Variants in RDX observed in about 807,000 individuals in gnomAD.
RDX encodes radixin.
In RDX, 32 loss-of-function variants were observed where a neutral mutation model predicts 83.7. That is an observed-to-expected ratio of 0.38 (90% CI 0.29 to 0.51). The LOEUF (loss-of-function observed/expected upper bound fraction) is 0.51. Ranked by LOEUF, RDX falls within the 20% of genes least tolerant of loss-of-function variation. The pLI is 0.87. For synonymous variants in RDX, 229 were observed against 222.7 expected (o/e 1.03, Z -0.25); for missense variants, 600 against 689.9 (o/e 0.87, Z 1.46).
At chr11:110,290,282 T>C (rs889479480) in intron 1 of RDX, among the ~76,000 whole-genome samples, 2 of 152,020 alleles carry the variant, frequency 1.3e-5, no homozygotes, top group Admixed American at 1.3e-4. Flanking sequence ...CCCAGCACTT[T>C]GGGAGGCTGA....
At chr11:110,283,274 C>T (rs1316551498) in intron 1 of RDX, among the ~76,000 whole-genome samples, 2 of 152,054 alleles carry the variant, frequency 1.3e-5, no homozygotes, top group African/African-American at 4.8e-5. Flanking sequence ...CTGCCTCAGC[C>T]TCCCAAGTAG....
chr11:110,280,060 GCTCT>G (rs943794358), intron 1 of RDX, among the ~76,000 whole-genome samples: 16 of 152,162 alleles, frequency 1.1e-4, no homozygotes, highest in African/African-American at 3.9e-4. Flanking sequence ...CCAAAAGCTT[GCTCT>G]CTGAGTCAGG....
At chr11:110,185,505 T>C (rs932514528) in intron 15 of RDX, 1 of 152,050 alleles carries the variant, frequency 6.6e-6, no homozygotes, top group African/African-American at 2.4e-5. Context: ...AAATGCAAAT[T>C]CTTGGGCCCC....
rs112081062 is a variant in RDX, at chr11:110,208,156, C to T, written c.1749-8478G>A. ...TTATCTACAAAGCCATTCAAATAAC[C>T]CACACAGAGCATCTGAAAAATGTTA... is the stretch of plus-strand genomic sequence containing the variant. On this transcript the variant is annotated intron_variant, in intron 14 of 15. Transcript: ENST00000528498. Among the ~76,000 whole-genome samples, 132 of 152,124 alleles carry T rather than the reference C, an allele frequency of 8.7e-4. 1 individual carries two copies. The highest frequency in any genetic ancestry group is 3.1e-3 in the African/African-American group (128 of 41,492).
chr11:110,264,356 T>G, intron 4 of RDX, 122 bp from the exon 5 acceptor site: 2 of 710,322 alleles, frequency 2.8e-6, no homozygotes, highest in East Asian at 5.4e-5. Flanking sequence ...TATGAAGATT[T>G]TAGTGTGTAA....
chr11:110,214,202 A>G (rs1863943895), intron 14 of RDX, among the ~76,000 whole-genome samples: 1 of 151,760 alleles, frequency 6.6e-6, no homozygotes, highest in African/African-American at 2.4e-5. Flanking sequence ...ACACTTCTCA[A>G]AAGAAGACAT....
chr11:110,202,375 G>C (rs11213311), intron 14 of RDX, among the ~76,000 whole-genome samples: 66,460 of 151,476 alleles, frequency 0.44, 14,756 homozygotes, highest in East Asian at 0.61. Flanking sequence ...GCCTGGGCAA[G>C]AGAGCAAGAC....
intron 14 of RDX, among the ~76,000 whole-genome samples, chr11:110,219,693 C>T (rs1864179785): frequency 1.3e-5 from 2 of 152,200 alleles, no homozygotes; most frequent in Admixed American, 6.5e-5. Context: ...GAAGAAGGGA[C>T]TTACCATTCA....
intron 1 of RDX, among the ~76,000 whole-genome samples, chr11:110,288,835 T>C (rs1393779542): frequency 6.6e-6 from 1 of 152,242 alleles, no homozygotes; most frequent in Non-Finnish European, 1.5e-5. Context: ...AATTTTTCTG[T>C]TGATTAGTGT....
Position 110,189,243 on chromosome 11 carries a change from T to TTAAAAAAAAAAAAAAAAAA in RDX, c.*31+10337_*31+10338insTTTTTTTTTTTTTTTTTTA, listed in dbSNP as rs1491576666. Among the ~76,000 whole-genome samples, 22 of 35,592 alleles carry TTAAAAAAAAAAAAAAAAAA rather than the reference T, an allele frequency of 6.2e-4. 2 individuals are homozygous for TTAAAAAAAAAAAAAAAAAA. Among genetic ancestry groups the TTAAAAAAAAAAAAAAAAAA allele is most frequent in the South Asian group, 1.2e-3 (1 of 820 alleles). 23.3% of individuals were successfully genotyped at this position (35,592 alleles called of 152,430 possible). ...AAACAAACTTTAAATGAACAACAGG[T>TTAAAAAAAAAAAAAAAAAA]AAAAAAAAAAAAAAAAAAAAAAAAA... On this transcript the variant is annotated intron_variant, in intron 15 of 15. Transcript: ENST00000528498.
intron 14 of RDX, among the ~76,000 whole-genome samples, chr11:110,211,263 C>T (rs2134256276): frequency 6.6e-6 from 1 of 152,284 alleles, no homozygotes; most frequent in African/African-American, 2.4e-5. Flanking sequence ...GTAAAGGGAT[C>T]AATTCAGCAA....
chr11:110,263,852 G>T, intron 5 of RDX, 108 bp downstream of exon 5: 1 of 992,906 alleles, frequency 1.0e-6, no homozygotes, highest in Non-Finnish European at 1.5e-6. Context: ...TGGGTGACAG[G>T]TCCAGACCCT....
intron 3 of RDX, 122 bp downstream of exon 3, chr11:110,272,414 T>C: frequency 1.4e-6 from 1 of 717,116 alleles, no homozygotes; most frequent in Non-Finnish European, 2.5e-6. Flanking sequence ...ATAGCTACTA[T>C]GAAAAATTCC....
intron 14 of RDX, among the ~76,000 whole-genome samples, chr11:110,203,855 A>G (rs1309783655): frequency 6.6e-6 from 1 of 152,134 alleles, no homozygotes; most frequent in East Asian, 1.9e-4. Flanking sequence ...ATATGTATGT[A>G]AAAGGAAGTT....
intron 10 of RDX, among the ~76,000 whole-genome samples, chr11:110,239,432 C>CT (rs1316835685): frequency 6.6e-6 from 1 of 152,026 alleles, no homozygotes; most frequent in African/African-American, 2.4e-5. Flanking sequence ...TACAAACTGT[C>CT]TATCTAAAAA....
chr11:110,237,830 TG>T (rs1397942027), intron 10 of RDX, 178 bp from the exon 11 acceptor site: 1 of 740,174 alleles, frequency 1.4e-6, no homozygotes, highest in African/African-American at 1.7e-5. Flanking sequence ...TTGCCCAGGC[TG>T]AAGTGCAGAA....
chr11:110,204,535 A>ATTT (rs1863533161), intron 14 of RDX, among the ~76,000 whole-genome samples: 1 of 80,340 alleles, frequency 1.2e-5, no homozygotes, highest in South Asian at 4.0e-4. Context: ...TTTTTTTTTG[A>ATTT]GACAGAGTTT....
chr11:110,212,874 A>G (rs1863891903), intron 14 of RDX, among the ~76,000 whole-genome samples: 1 of 141,708 alleles, frequency 7.1e-6, no homozygotes, highest in Non-Finnish European at 1.5e-5. Flanking sequence ...CCCACAGCCA[A>G]TATCATACTG....
rs1372959584 is a variant in RDX, at chr11:110,214,742, C to CA, written c.1749-15065dup. On this transcript the variant is annotated intron_variant, in intron 14 of 15. Coordinates refer to the RDX transcript ENST00000528498. ...CATTCTCAGTAAACTATCGCAAGAA[C>CA]AAAAAACCAAACACCACATATTCTC... is the stretch of plus-strand genomic sequence containing the variant. Among the ~76,000 whole-genome samples the CA allele has an allele frequency of 7.2e-5, 6 of 83,860 alleles. 1 individual carries two copies. The East Asian group carries it at 2.6e-3, about 37-fold the overall frequency. 55.0% of individuals were successfully genotyped at this position (83,860 alleles called of 152,430 possible).
Sources: gnomAD v4.1 joint callset for allele counts (sites outside exome capture counted in the v4.1 genomes callset) on GRCh38, gnomAD v4.1.1 for gene constraint, MANE v1.5 for transcripts, NCBI Gene and HGNC (gene_info 2026-07-23, HGNC 2026-07-21) for gene names.